Variants in PDK1 observed in about 807,000 individuals in gnomAD.
PDK1 encodes [Pyruvate dehydrogenase (acetyl-transferring)] kinase isozyme 1, mitochondrial.
In PDK1, 39 loss-of-function variants were observed where a neutral mutation model predicts 54.2. That is an observed-to-expected ratio of 0.72 (90% CI 0.56 to 0.94). The LOEUF (loss-of-function observed/expected upper bound fraction) is 0.94. PDK1 is among the 40% of genes least tolerant of loss of function. The pLI, the probability that PDK1 is intolerant of heterozygous loss-of-function variation, is 0.00. For missense variants in PDK1, 552 were observed against 566.0 expected (o/e 0.98, Z 0.25); for synonymous variants, 221 against 207.1 (o/e 1.07, Z -0.58).
At chr2:172,707,067 C>T in the PDK1 span, among the ~76,000 whole-genome samples, 8 of 152,228 alleles carry the variant, frequency 5.3e-5, no homozygotes, top group East Asian at 1.2e-3. Context: ...CCACTGGGCA[C>T]GGGCAGAAGT....
the PDK1 span, among the ~76,000 whole-genome samples, chr2:172,622,228 CAT>C: frequency 9.2e-3 from 949 of 102,730 alleles, 8 homozygotes; most frequent in Non-Finnish European, 0.012. Context: ...GTTTATATCT[CAT>C]ATATTATGTG....
At chr2:172,696,524 C>T in the PDK1 span, among the ~76,000 whole-genome samples, 1 of 152,166 alleles carries the variant, frequency 6.6e-6, no homozygotes, top group East Asian at 1.9e-4. Flanking sequence ...TTTGATTTAG[C>T]TGCTCTCATA....
chr2:172,625,720 A>G, the PDK1 span, among the ~76,000 whole-genome samples: 54 of 151,984 alleles, frequency 3.6e-4, no homozygotes, highest in Non-Finnish European at 6.6e-4. Context: ...ATGACACCTT[A>G]TTTACATTGC....
the PDK1 span, among the ~76,000 whole-genome samples, chr2:172,643,445 C>T: frequency 3.9e-5 from 6 of 152,182 alleles, no homozygotes; most frequent in Admixed American, 6.6e-5. Context: ...CCTGTGCTTC[C>T]GAGGGCTGTG....
the PDK1 span, among the ~76,000 whole-genome samples, chr2:172,622,129 CATATTATGTGAGATATGTTTATATCAT>C: frequency 3.1e-4 from 32 of 104,144 alleles, 1 homozygote; most frequent in East Asian, 1.6e-3. Flanking sequence ...GTTTATATCT[CATATTATGTGAGATATGTTTATATCAT>C]ATATTATGTG....
chr2:172,686,276 T>C, the PDK1 span, among the ~76,000 whole-genome samples: 1 of 152,198 alleles, frequency 6.6e-6, no homozygotes, highest in African/African-American at 2.4e-5. Context: ...CTGGATTTCC[T>C]GGGTCAAGGC....
downstream of PDK1, among the ~76,000 whole-genome samples, chr2:172,610,677 C>T (rs998391193): frequency 2.6e-5 from 4 of 152,124 alleles, no homozygotes; most frequent in African/African-American, 9.7e-5. Flanking sequence ...GTGGTGCAGT[C>T]TCAGCTCACT....
At chr2:172,713,600 C>G in the PDK1 span, among the ~76,000 whole-genome samples, 5 of 152,242 alleles carry the variant, frequency 3.3e-5, no homozygotes, top group Admixed American at 6.5e-5. Flanking sequence ...GTGACAGCAC[C>G]TGGGCTTGGT....
intron 8 of PDK1, among the ~76,000 whole-genome samples, chr2:172,578,235 C>G (rs915425216): frequency 3.3e-5 from 5 of 152,210 alleles, no homozygotes; most frequent in African/African-American, 1.2e-4. Context: ...AGTCATTTCT[C>G]TGTTTCTCAG....
chr2:172,714,054 G>A, the PDK1 span, among the ~76,000 whole-genome samples: 1 of 152,282 alleles, frequency 6.6e-6, no homozygotes, highest in Middle Eastern at 3.4e-3. Flanking sequence ...AGTAGATCTG[G>A]GAACAAAACA....
chr2:172,719,123 T>A, the PDK1 span, among the ~76,000 whole-genome samples: 1 of 152,200 alleles, frequency 6.6e-6, no homozygotes, highest in Non-Finnish European at 1.5e-5. Flanking sequence ...ACATTAGAGA[T>A]TTATCCACGT....
chr2:172,686,654 C>A, the PDK1 span, among the ~76,000 whole-genome samples: 1 of 152,214 alleles, frequency 6.6e-6, no homozygotes, highest in Admixed American at 6.5e-5. Flanking sequence ...TTGCTCTTCA[C>A]AATAAATCTT....
intron 10 of PDK1, among the ~76,000 whole-genome samples, chr2:172,594,591 C>G (rs1690790663): frequency 6.6e-6 from 1 of 152,102 alleles, no homozygotes; most frequent in African/African-American, 2.4e-5. Context: ...CTTGATCTAG[C>G]CTGTAGATCA....
the PDK1 span, among the ~76,000 whole-genome samples, chr2:172,720,886 C>CAGCAA: frequency 6.6e-6 from 1 of 152,146 alleles, no homozygotes; most frequent in Non-Finnish European, 1.5e-5. Flanking sequence ...GCACTCCCCT[C>CAGCAA]CTCCAGGCCT....
At chr2:172,688,820 C>G in the PDK1 span, among the ~76,000 whole-genome samples, 1 of 152,058 alleles carries the variant, frequency 6.6e-6, no homozygotes, top group Non-Finnish European at 1.5e-5. Flanking sequence ...ACATGGCAGC[C>G]AGAGGCTGTC....
At chr2:172,642,717 C>T in the PDK1 span, among the ~76,000 whole-genome samples, 3 of 152,202 alleles carry the variant, frequency 2.0e-5, no homozygotes, top group African/African-American at 7.2e-5. Context: ...CTTGGGCTCC[C>T]TCCCTCAGGC....
At chr2:172,629,385 G>A in the PDK1 span, among the ~76,000 whole-genome samples, 6 of 152,102 alleles carry the variant, frequency 3.9e-5, no homozygotes, top group African/African-American at 7.2e-5. Context: ...GTGGCAGAGC[G>A]GCAGAAAAAG....
rs2149315543 is a variant in PDK1, at chr2:172,602,033, A to C, written c.*6064A>C. 6.6e-6 allele frequency: 1 copy of C among 152,278 alleles called. No homozygotes were observed. Among genetic ancestry groups the C allele is most frequent in the East Asian group, 1.9e-4 (1 of 5,188 alleles). 9.4% of individuals were successfully genotyped at this position (152,278 alleles called of 1,614,324 possible). ...AAGTGGAATCAGTAATCACAAGTCC[A>C]CCTCGCCAAAAGACAATTTTTGAAA... On this transcript the variant is annotated 3_prime_UTR_variant, in exon 11 of 11. Transcript: ENST00000282077.
At chr2:172,647,033 A>G in the PDK1 span, among the ~76,000 whole-genome samples, 1 of 152,062 alleles carries the variant, frequency 6.6e-6, no homozygotes, top group Non-Finnish European at 1.5e-5. Flanking sequence ...CACCATGCCC[A>G]GCCTAACGTG....
Sources: allele counts gnomAD v4.1 joint callset (sites outside exome capture counted in the v4.1 genomes callset), GRCh38; gene constraint gnomAD v4.1.1; transcripts MANE v1.5; gene names NCBI Gene and HGNC (gene_info 2026-07-23, HGNC 2026-07-21).